The following PDSS2 variants were observed in gnomAD, a reference collection of about 807,000 sequenced individuals.
PDSS2 encodes all trans-polyprenyl-diphosphate synthase PDSS2.
In PDSS2, 31 loss-of-function variants were observed where a neutral mutation model predicts 44.5. The observed-to-expected ratio is 0.70, with a 90% CI of 0.52 to 0.94. PDSS2 has a LOEUF of 0.94. PDSS2 is among the 40% of genes least tolerant of loss of function. PDSS2 has a pLI of 0.00. For synonymous variants in PDSS2, 157 were observed against 180.3 expected, an observed-to-expected ratio of 0.87 and a Z score of 1.03; for missense variants, 452 against 482.2, an observed-to-expected ratio of 0.94 and a Z score of 0.59.
In PDSS2 at chr6:107,286,935, G is replaced by A. The variant is rs183456891; in HGVS notation, c.432-12708C>T. ...CGCGCCTGTAGTCCCAGCTACCCGG[G>A]AGGCTGAGGCAGGAGGATGGCTTGA... On this transcript the variant is annotated intron_variant, in intron 2 of 7. Coordinates refer to ENST00000369037, the MANE Select transcript of PDSS2 (RefSeq NM_020381.4). Among the ~76,000 whole-genome samples, 110 of 152,246 alleles carry A rather than the reference G, an allele frequency of 7.2e-4. No homozygotes were observed. The East Asian group carries it at 0.02, about 27-fold the overall frequency.
intron 5 of PDSS2, among the ~76,000 whole-genome samples, chr6:107,211,498 A>T (rs577703017): frequency 2.0e-5 from 3 of 151,704 alleles, no homozygotes; most frequent in South Asian, 2.1e-4. Flanking sequence ...TTGGGAGGCC[A>T]AGGCGGGCAG....
intron 2 of PDSS2, among the ~76,000 whole-genome samples, chr6:107,328,895 T>C (rs1374036426): frequency 6.6e-6 from 1 of 152,162 alleles, no homozygotes; most frequent in Admixed American, 6.5e-5. Flanking sequence ...GAAGAAAAAT[T>C]GGTAAATGCT....
At chr6:107,390,454 A>G (rs567699282) in intron 1 of PDSS2, among the ~76,000 whole-genome samples, 39 of 152,278 alleles carry the variant, frequency 2.6e-4, no homozygotes, top group African/African-American at 7.7e-4. Context: ...AAAGTCATGA[A>G]AAAGAAAGAA....
intron 2 of PDSS2, among the ~76,000 whole-genome samples, chr6:107,283,655 G>T (rs1562433705): frequency 1.3e-5 from 2 of 152,142 alleles, no homozygotes; most frequent in African/African-American, 4.8e-5. Context: ...AGGAGGCAGA[G>T]GTTGTGGTGA....
At chr6:107,272,598 GTTATC>G (rs1443454257) in intron 3 of PDSS2, among the ~76,000 whole-genome samples, 1 of 152,174 alleles carries the variant, frequency 6.6e-6, no homozygotes, top group Non-Finnish European at 1.5e-5. Flanking sequence ...ATAGGGCACT[GTTATC>G]TTATAATCAA....
At chr6:107,456,163 A>T (rs1049657762) in intron 1 of PDSS2, among the ~76,000 whole-genome samples, 20 of 152,134 alleles carry the variant, frequency 1.3e-4, no homozygotes, top group Non-Finnish European at 1.6e-4. Flanking sequence ...CCTACTAAAA[A>T]TACAAAAATT....
intron 2 of PDSS2, among the ~76,000 whole-genome samples, chr6:107,279,796 C>T (rs904755109): frequency 2.6e-5 from 4 of 152,170 alleles, no homozygotes; most frequent in African/African-American, 9.6e-5. Context: ...CTCTCTAGTA[C>T]TGTGCTCTCA....
intron 1 of PDSS2, among the ~76,000 whole-genome samples, chr6:107,380,302 C>G (rs1779417295): frequency 2.0e-5 from 3 of 152,138 alleles, no homozygotes; most frequent in African/African-American, 7.2e-5. Flanking sequence ...ATCTATACTC[C>G]TATAATTAAA....
At chr6:107,399,550 T>G (rs373591206) in intron 1 of PDSS2, among the ~76,000 whole-genome samples, 1 of 152,258 alleles carries the variant, frequency 6.6e-6, no homozygotes, top group East Asian at 1.9e-4. Flanking sequence ...ATACCAGTAA[T>G]CCCCAAACAC....
At chr6:107,333,404 CAT>C (rs1232185846) in intron 2 of PDSS2, among the ~76,000 whole-genome samples, 1 of 151,996 alleles carries the variant, frequency 6.6e-6, no homozygotes, top group African/African-American at 2.4e-5. Flanking sequence ...ATGAGTAATA[CAT>C]ACTTACAAAT....
chr6:107,390,808 T>C (rs1779756178), intron 1 of PDSS2, among the ~76,000 whole-genome samples: 1 of 152,086 alleles, frequency 6.6e-6, no homozygotes. Flanking sequence ...TAAGCCAGAA[T>C]CATCCTGGAA....
chr6:107,383,018 AG>A (rs1321527590), intron 1 of PDSS2, among the ~76,000 whole-genome samples: 1 of 151,868 alleles, frequency 6.6e-6, no homozygotes, highest in South Asian at 2.1e-4. Flanking sequence ...AACTCAAAAC[AG>A]GGCTGGGTGC....
chr6:107,411,376 G>A (rs545068676), intron 1 of PDSS2, among the ~76,000 whole-genome samples: 1 of 152,150 alleles, frequency 6.6e-6, no homozygotes, highest in Non-Finnish European at 1.5e-5. Flanking sequence ...TATGAAAACT[G>A]GACAACCAAA....
chr6:107,185,533 C>T (rs1322134006), intron 7 of PDSS2, among the ~76,000 whole-genome samples: 2 of 152,158 alleles, frequency 1.3e-5, no homozygotes, highest in Non-Finnish European at 2.9e-5. Context: ...TACCATCTGC[C>T]TCAGTCTTTT....
intron 6 of PDSS2, among the ~76,000 whole-genome samples, chr6:107,199,141 C>T (rs1362280719): frequency 6.6e-6 from 1 of 152,224 alleles, no homozygotes; most frequent in Non-Finnish European, 1.5e-5. Flanking sequence ...TATTACACCT[C>T]TTGGTTGCTC....
intron 1 of PDSS2, among the ~76,000 whole-genome samples, chr6:107,398,613 T>C (rs1431691173): frequency 6.6e-6 from 1 of 152,214 alleles, no homozygotes; most frequent in African/African-American, 2.4e-5. Context: ...GAGATTCAAC[T>C]TGGCTTTTCT....
At chr6:107,437,938 T>C (rs1414829599) in intron 1 of PDSS2, among the ~76,000 whole-genome samples, 1 of 152,190 alleles carries the variant, frequency 6.6e-6, no homozygotes, top group Non-Finnish European at 1.5e-5. Context: ...CTCTAGTTTC[T>C]AGGGCTAAGG....
intron 6 of PDSS2, among the ~76,000 whole-genome samples, chr6:107,194,735 T>C (rs1466060811): frequency 6.6e-6 from 1 of 152,126 alleles, no homozygotes; most frequent in African/African-American, 2.4e-5. Flanking sequence ...GCGGATCACC[T>C]GAGGTCAGGA....
chr6:107,269,659 G>A (rs140907374), intron 3 of PDSS2, among the ~76,000 whole-genome samples: 1 of 152,000 alleles, frequency 6.6e-6, no homozygotes, highest in African/African-American at 2.4e-5. Context: ...ATTATTAGTA[G>A]TAGTAGTAGT....
Sources: allele counts gnomAD v4.1 joint callset (sites outside exome capture counted in the v4.1 genomes callset), GRCh38; gene constraint gnomAD v4.1.1; transcripts MANE v1.5; gene names NCBI Gene and HGNC (gene_info 2026-07-23, HGNC 2026-07-21).